The following PHF2 variants were observed in gnomAD, a reference collection of about 807,000 sequenced individuals.
PHF2 encodes lysine-specific demethylase PHF2.
PHF2 carries 27 observed loss-of-function variants against 120.5 expected under a neutral mutation model. The ratio of observed to expected loss-of-function variants is 0.22; its 90% CI spans 0.17 to 0.31. The LOEUF (loss-of-function observed/expected upper bound fraction) is 0.31, where lower values mean the gene tolerates loss of function less well. PHF2 is among the 10% of genes least tolerant of loss of function. The pLI, the probability that PHF2 is intolerant of heterozygous loss-of-function variation, is 1.00. For synonymous variants in PHF2, 568 were observed against 592.5 expected (o/e 0.96, Z 0.60); for missense variants, 1,024 against 1,434.8 (o/e 0.71, Z 4.63).
chr9:93,648,742 A>G (rs1195930524), intron 4 of PHF2, among the ~76,000 whole-genome samples: 1 of 152,172 alleles, frequency 6.6e-6, no homozygotes. Flanking sequence ...TACTTGGAAC[A>G]TAACACTAAA....
chr9:93,663,062 G>A (rs1039863211), intron 13 of PHF2, 36 bp downstream of exon 13: 1 of 1,612,732 alleles, frequency 6.2e-7, no homozygotes, highest in African/African-American at 1.3e-5. Flanking sequence ...ACGTGTGTGT[G>A]TCAGCTTGGT....
intron 2 of PHF2, among the ~76,000 whole-genome samples, 196 bp downstream of exon 2, chr9:93,630,251 A>G (rs1228596348): frequency 6.6e-6 from 1 of 152,192 alleles, no homozygotes; most frequent in Non-Finnish European, 1.5e-5. Flanking sequence ...GGCCCACTGT[A>G]GCCCCTCCTG....
At chr9:93,596,916 G>A (rs377469831) in intron 1 of PHF2, among the ~76,000 whole-genome samples, 12 of 140,792 alleles carry the variant, frequency 8.5e-5, no homozygotes, top group South Asian at 2.4e-4. Flanking sequence ...GCGCCAGCAC[G>A]CCCAGCTAAT....
chr9:93,660,388 C>T lies in PHF2; in HGVS notation c.1526C>T (p.Pro509Leu), dbSNP rs757670906. Residue 509 changes from proline to leucine, a missense_variant, in exon 12 of 22, where the codon CCG becomes CTG. Around this residue, in one of 2 missense-constraint regions of PHF2, gnomAD observed 677 missense variants for 857.4 expected, o/e 0.79. Transcript: ENST00000359246. ...AAGCCATCCAAAATCCCCAAGCCCCCGAAGCCCCCTAAGCCCCCAAGGCCC... is the reference window on the plus strand; with the variant it reads ...AAGCCATCCAAAATCCCCAAGCCCCTGAAGCCCCCTAAGCCCCCAAGGCCC... ...MPKPSKIPKP[P>L]KPPKPPRPPK... 75 of 1,528,570 alleles carry T rather than the reference C, an allele frequency of 4.9e-5. 2 individuals carry two copies. In the African/African-American group the frequency reaches 8.6e-4, roughly 18 times the overall value. 94.7% of individuals were successfully genotyped at this position (1,528,570 alleles called of 1,614,324 possible).
At chr9:93,659,191 G>A (rs1368174791) in intron 10 of PHF2, among the ~76,000 whole-genome samples, 1 of 152,238 alleles carries the variant, frequency 6.6e-6, no homozygotes, top group African/African-American at 2.4e-5. Flanking sequence ...GCAGTCCAGG[G>A]CGCCCCTGCC....
At chr9:93,647,511 C>T (rs1304822503) in intron 4 of PHF2, among the ~76,000 whole-genome samples, 2 of 152,204 alleles carry the variant, frequency 1.3e-5, no homozygotes, top group Non-Finnish European at 2.9e-5. Context: ...AGTAAGCCCT[C>T]ATGCACTCAG....
intron 5 of PHF2, among the ~76,000 whole-genome samples, chr9:93,651,719 C>T (rs1826373053): frequency 6.6e-6 from 1 of 152,130 alleles, no homozygotes; most frequent in Non-Finnish European, 1.5e-5. Context: ...CTCATGGTGG[C>T]CTTGCGTGTC....
intron 12 of PHF2, among the ~76,000 whole-genome samples, chr9:93,661,695 A>G (rs569891900): frequency 6.6e-6 from 1 of 151,532 alleles, no homozygotes; most frequent in Admixed American, 6.6e-5. Context: ...GAATGGATGA[A>G]TGGATGGATG....
chr9:93,622,822 T>C (rs893894144), intron 1 of PHF2, among the ~76,000 whole-genome samples: 1 of 152,214 alleles, frequency 6.6e-6, no homozygotes. Context: ...CAGGGAGTGC[T>C]GGCCCTGCTA....
intron 1 of PHF2, among the ~76,000 whole-genome samples, chr9:93,595,657 A>G (rs1344357236): frequency 6.6e-6 from 1 of 152,242 alleles, no homozygotes; most frequent in Non-Finnish European, 1.5e-5. Context: ...TCTTCTGTGA[A>G]CAAGGATGAG....
chr9:93,636,384 C>G (rs565879151), intron 2 of PHF2, 27 bp from the exon 3 acceptor site: 16 of 1,562,448 alleles, frequency 1.0e-5, no homozygotes, highest in Admixed American at 9.3e-5. Flanking sequence ...GCTGTGTGAC[C>G]GACCTTGCTT....
intron 17 of PHF2, 62 bp downstream of exon 17, chr9:93,667,302 CG>C (rs1826701396): frequency 6.5e-7 from 1 of 1,547,818 alleles, no homozygotes; most frequent in South Asian, 1.2e-5. Flanking sequence ...GGCTGGCCCT[CG>C]GCCATGATGG....
At chr9:93,652,994 C>G (rs1360171311) in intron 5 of PHF2, among the ~76,000 whole-genome samples, 185 bp from the exon 6 acceptor site, 2 of 152,166 alleles carry the variant, frequency 1.3e-5, no homozygotes, top group Non-Finnish European at 2.9e-5. Context: ...AGGGCCACAG[C>G]CAGCGCCTGG....
intron 17 of PHF2, among the ~76,000 whole-genome samples, chr9:93,668,680 C>G: frequency 6.6e-6 from 1 of 152,140 alleles, no homozygotes; most frequent in Non-Finnish European, 1.5e-5. Flanking sequence ...CTGGGCTCCC[C>G]GCTGTGAATC....
chr9:93,655,748 AG>A (rs746535962), intron 7 of PHF2, among the ~76,000 whole-genome samples, 185 bp from the exon 8 acceptor site: 23 of 152,318 alleles, frequency 1.5e-4, no homozygotes, highest in Non-Finnish European at 2.8e-4. Flanking sequence ...TCTCCCAGGG[AG>A]GCCCCAGGCT....
intron 12 of PHF2, 71 bp downstream of exon 12, chr9:93,660,631 C>G: frequency 7.2e-7 from 1 of 1,384,624 alleles, no homozygotes; most frequent in Non-Finnish European, 9.6e-7. Context: ...GGGCCAGTCC[C>G]ATGGAGATAG....
intron 1 of PHF2, among the ~76,000 whole-genome samples, chr9:93,619,828 T>C (rs1259690975): frequency 6.6e-6 from 1 of 152,080 alleles, no homozygotes; most frequent in East Asian, 1.9e-4. Context: ...CGGCCAACTT[T>C]GCCTTTTTGT....
At chr9:93,630,482 T>C (rs1234058753) in intron 2 of PHF2, among the ~76,000 whole-genome samples, 3 of 152,162 alleles carry the variant, frequency 2.0e-5, no homozygotes, top group African/African-American at 7.2e-5. Flanking sequence ...GCATTGTTGG[T>C]GGGCTCTGTC....
chr9:93,647,989 A>G (rs895649341), intron 4 of PHF2, among the ~76,000 whole-genome samples: 1 of 152,366 alleles, frequency 6.6e-6, no homozygotes, highest in Admixed American at 6.5e-5. Flanking sequence ...CAGTTCTATC[A>G]TCGCACTCGA....
Sources: gnomAD v4.1 joint callset for allele counts (sites outside exome capture counted in the v4.1 genomes callset) on GRCh38, gnomAD v4.1.1 for gene constraint, gnomAD v4.1.1 regional missense constraint, MANE v1.5 for transcripts, NCBI Gene and HGNC (gene_info 2026-07-23, HGNC 2026-07-21) for gene names.